The following TBCK variants were observed in gnomAD, a reference collection of about 807,000 sequenced individuals.
TBCK encodes the protein TBC domain-containing protein kinase-like protein.
TBCK carries 99 observed loss-of-function variants against 113.4 expected under a neutral mutation model. The ratio of observed to expected loss-of-function variants is 0.87; its 90% CI spans 0.74 to 1.03. The LOEUF (loss-of-function observed/expected upper bound fraction) is 1.03, where lower values mean the gene tolerates loss of function less well. Among genes scored for constraint, TBCK ranks in the 50% least tolerant of loss-of-function variants. TBCK has a pLI of 0.00. For missense variants in TBCK, 1,045 were observed against 1,061.3 expected (o/e 0.98, Z 0.21); for synonymous variants, 369 against 370.8 (o/e 1.00, Z 0.05).
At position 106,290,327 on chromosome 4, in the gene TBCK, G is replaced by A. The variant is rs1432131413; in HGVS notation, c.266+4767C>T. On this transcript the variant is annotated intron_variant, in intron 3 of 25. Coordinates refer to ENST00000394708, the MANE Select transcript of TBCK (RefSeq NM_001163435.3). Reference sequence around the variant, plus strand: ...TGGGTAGCTGGGACTACAGGCGCCTGCCACCACGCCTGGTTAATTTTTTGT... The same window carrying A: ...TGGGTAGCTGGGACTACAGGCGCCTACCACCACGCCTGGTTAATTTTTTGT... 3.3e-5 allele frequency among the ~76,000 whole-genome samples: 5 copies of A among 152,090 alleles called. No individual in the cohort carries two copies. The East Asian group carries it at 5.8e-4, about 18-fold the overall frequency.
intron 3 of TBCK, among the ~76,000 whole-genome samples, chr4:106,283,860 T>C (rs1388647179): frequency 6.6e-6 from 1 of 152,146 alleles, no homozygotes; most frequent in African/African-American, 2.4e-5. Context: ...GACTGAAGTA[T>C]GGCTGAAGCC....
chr4:106,250,625 C>T, intron 6 of TBCK, 147 bp from the exon 7 acceptor site: 2 of 537,484 alleles, frequency 3.7e-6, no homozygotes, highest in East Asian at 6.2e-5. Flanking sequence ...GTCAGCTCCA[C>T]TAAAGAAAAA....
intron 22 of TBCK, among the ~76,000 whole-genome samples, chr4:106,171,632 G>A (rs376899946): frequency 1.4e-5 from 2 of 146,922 alleles, no homozygotes; most frequent in African/African-American, 5.1e-5. Context: ...TTATGCTGAT[G>A]TTTCCACTTT....
chr4:106,316,573 A>T (rs1318469418), upstream of TBCK: 6 of 1,551,436 alleles, frequency 3.9e-6, no homozygotes, highest in African/African-American at 4.1e-5. Context: ...GCTGTCTCGG[A>T]ACCCGTGGTC....
At chr4:106,116,149 G>A (rs932417731) in intron 24 of TBCK, 54 bp downstream of exon 24, 30 of 1,493,518 alleles carry the variant, frequency 2.0e-5, no homozygotes, top group Non-Finnish European at 2.5e-5. Flanking sequence ...TAAATGAAAG[G>A]ATGCAATACA....
chr4:106,272,384 TAGAA>T (rs1423906943), intron 3 of TBCK, among the ~76,000 whole-genome samples: 1 of 152,126 alleles, frequency 6.6e-6, no homozygotes, highest in African/African-American at 2.4e-5. Flanking sequence ...AATAAGTTCA[TAGAA>T]AGAACTCATC....
chr4:106,292,526 C>T (rs1462810325), intron 3 of TBCK, among the ~76,000 whole-genome samples: 4 of 150,720 alleles, frequency 2.7e-5, no homozygotes, highest in South Asian at 2.1e-4. Context: ...GCCAAGATCA[C>T]GCCACTGCAC....
chr4:106,205,535 G>A lies in TBCK; in HGVS notation c.1860+7215C>T, dbSNP rs561204193. On this transcript the variant is annotated intron_variant, in intron 20 of 25. Coordinates refer to ENST00000394708, the MANE Select transcript of TBCK (RefSeq NM_001163435.3). ...AAGGCAGGTGGATCACTTGAAGTCA[G>A]GAGTTCAAGACCAGCCTGGCCAACA... 2.0e-4 allele frequency among the ~76,000 whole-genome samples: 27 copies of A among 134,018 alleles called. No homozygotes were observed. In the South Asian group the frequency reaches 3.6e-3, roughly 18 times the overall value. The allele number at this position is 134,018 out of a possible 152,430, so 87.9% of individuals were successfully genotyped here. A position where few individuals can be genotyped will look rare whatever the true frequency, so the allele number is the denominator to read the frequency against.
intron 3 of TBCK, among the ~76,000 whole-genome samples, chr4:106,291,045 A>G (rs938738273): frequency 6.6e-6 from 1 of 152,220 alleles, no homozygotes; most frequent in Non-Finnish European, 1.5e-5. Flanking sequence ...TCAAAACCCT[A>G]TCAGTGAGAG....
At chr4:106,115,517 A>AT (rs1743380469) in intron 24 of TBCK, among the ~76,000 whole-genome samples, 1 of 152,328 alleles carries the variant, frequency 6.6e-6, no homozygotes, top group Admixed American at 6.5e-5. Flanking sequence ...ATTCATTTAT[A>AT]TTTTATATAT....
At chr4:106,299,188 G>T (rs1005785941) in intron 2 of TBCK, among the ~76,000 whole-genome samples, 2 of 152,118 alleles carry the variant, frequency 1.3e-5, no homozygotes, top group Admixed American at 6.5e-5. Flanking sequence ...GTAATATAAA[G>T]ATAACTGTTA....
chr4:106,241,002 T>C (rs556170890), intron 12 of TBCK, among the ~76,000 whole-genome samples: 6 of 152,008 alleles, frequency 3.9e-5, no homozygotes, highest in Non-Finnish European at 7.4e-5. Context: ...ACATAATAGG[T>C]CAATGAATAG....
chr4:106,180,774 T>C (rs905723469), intron 22 of TBCK, among the ~76,000 whole-genome samples: 15 of 152,298 alleles, frequency 9.8e-5, no homozygotes, highest in African/African-American at 3.1e-4. Context: ...CTTAATCCAG[T>C]CTATCATTGA....
rs1443816934 is a variant in TBCK at position 106,213,839 on chromosome 4, G to C, written c.1775-1004C>G. ...CTTGCTTAGGTAAACAAAGCAGCCC[G>C]GAAGCTCGAACTGGGTGGAGCCTAC... On this transcript the variant is annotated intron_variant, in intron 19 of 25. Coordinates refer to ENST00000394708, the MANE Select transcript of TBCK (RefSeq NM_001163435.3). 5.2e-5 allele frequency: 8 copies of C among 154,894 alleles called. No homozygotes were observed. In the Middle Eastern group the frequency reaches 0.016, roughly 303 times the overall value. 9.6% of individuals were successfully genotyped at this position (154,894 alleles called of 1,614,324 possible).
intron 19 of TBCK, among the ~76,000 whole-genome samples, chr4:106,222,367 T>C (rs901883792): frequency 6.6e-6 from 1 of 152,164 alleles, no homozygotes; most frequent in East Asian, 1.9e-4. Context: ...GAATTTTATA[T>C]GACACTATCA....
chr4:106,242,522 C>A lies in TBCK; in HGVS notation c.1118G>T (p.Ser373Ile). Reference sequence around the variant, plus strand: ...CACAGTGGTATCATCTAAAAGCGAGCTTCTATCTCGACCTTGTCCAAAGCT... The same window carrying A: ...CACAGTGGTATCATCTAAAAGCGAGATTCTATCTCGACCTTGTCCAAAGCT... ...GESFGQGRDR[S>I]SLLDDTTVTL... The change falls in exon 12 of 26, where the codon AGC becomes ATC. Residue 373 changes from serine (S) to isoleucine (I), a missense_variant. Transcript: ENST00000394708. 1 of 1,609,254 alleles carries A rather than the reference C, an allele frequency of 6.2e-7. No individual in the cohort carries two copies. The highest frequency in any genetic ancestry group is 8.5e-7 in the Non-Finnish European group (1 of 1,177,788).
rs140233624 is a variant in TBCK, at chr4:106,048,751, C to T, written c.2572-2071G>A. The stretch of plus-strand genomic sequence containing the variant: ...ATTGTGGAAATCAGAAAATGAGTAA[C>T]GAAGGACTGTACATGCAACTAATCT... On this transcript the variant is annotated intron_variant, in intron 25 of 25. Coordinates refer to ENST00000394708, the MANE Select transcript of TBCK (RefSeq NM_001163435.3). Among the ~76,000 whole-genome samples, 182 of 152,144 alleles carry T rather than the reference C, an allele frequency of 1.2e-3. 1 individual carries two copies. The highest frequency in any genetic ancestry group is 4.1e-3 in the African/African-American group (169 of 41,524).
At position 106,137,518 on chromosome 4, in the gene TBCK, A is replaced by G. The variant is rs976923718; in HGVS notation, c.2236-21140T>C. Among the ~76,000 whole-genome samples, 2 of 140,572 alleles carry G rather than the reference A, an allele frequency of 1.4e-5. 1 individual carries two copies. Among genetic ancestry groups the G allele is most frequent in the Non-Finnish European group, 3.2e-5 (2 of 61,906 alleles). 92.2% of individuals were successfully genotyped at this position (140,572 alleles called of 152,430 possible). ...GAAAAGTTACCTTCAAAAACTATCA[A>G]TCTACAAATATCATTTTGATCCATA... On this transcript the variant is annotated intron_variant, in intron 23 of 25. Coordinates refer to ENST00000394708, the MANE Select transcript of TBCK (RefSeq NM_001163435.3).
chr4:106,150,070 G>T (rs1307037576), intron 23 of TBCK, among the ~76,000 whole-genome samples: 2 of 152,152 alleles, frequency 1.3e-5, no homozygotes, highest in South Asian at 2.1e-4. Flanking sequence ...TAAGAAGAGT[G>T]GGGGAGTCAG....
Sources: allele counts gnomAD v4.1 joint callset (sites outside exome capture counted in the v4.1 genomes callset), GRCh38; gene constraint gnomAD v4.1.1; transcripts MANE v1.5; gene names NCBI Gene and HGNC (gene_info 2026-07-23, HGNC 2026-07-21).